The following RAPGEF2 variants were observed in gnomAD, a reference collection of about 807,000 sequenced individuals.
The protein encoded by RAPGEF2 is Rap guanine nucleotide exchange factor 2.
RAPGEF2 carries 54 observed loss-of-function variants against 186.7 expected under a neutral mutation model. The ratio of observed to expected loss-of-function variants is 0.29; its 90% CI spans 0.23 to 0.36. The LOEUF is 0.36. Among genes scored for constraint, RAPGEF2 ranks in the 10% least tolerant of loss-of-function variants. The pLI is 1.00. For missense variants in RAPGEF2, 1,532 were observed against 2,045.0 expected (o/e 0.75, Z 4.84); for synonymous variants, 712 against 705.9 (o/e 1.01, Z -0.14).
At chr4:159,270,457 A>G (rs371855794) in intron 7 of RAPGEF2, among the ~76,000 whole-genome samples, 9 of 152,338 alleles carry the variant, frequency 5.9e-5, no homozygotes, top group African/African-American at 1.9e-4. Flanking sequence ...TGCTTATTCA[A>G]AAAGTTTGTG....
At chr4:159,290,040 G>A (rs1760991629) in intron 7 of RAPGEF2, among the ~76,000 whole-genome samples, 1 of 152,180 alleles carries the variant, frequency 6.6e-6, no homozygotes, top group Non-Finnish European at 1.5e-5. Context: ...AGGCAGGGGA[G>A]TGACAGGATC....
intron 7 of RAPGEF2, among the ~76,000 whole-genome samples, chr4:159,295,724 T>A (rs999726126): frequency 4.1e-4 from 24 of 58,572 alleles, no homozygotes; most frequent in African/African-American, 9.3e-4. Context: ...TGTGTGAGTG[T>A]GTGTGTGTGT....
In RAPGEF2 at chr4:159,353,444, A is replaced by G; in HGVS notation, c.4092-43A>G. On this transcript the variant is annotated intron_variant, in intron 27 of 29. Transcript: ENST00000691494. The surrounding 1 kb of genome is among the most constrained non-coding windows in gnomAD (Gnocchi z 4.3). ...TTTTATCATAGGTGAATTAGTTATC[A>G]ATCTTGTTTTTTTTTTCTTTTCCAT... 7.2e-7 allele frequency: 1 copy of G among 1,390,258 alleles called. No homozygotes were observed. The highest frequency in any genetic ancestry group is 9.5e-7 in the Non-Finnish European group (1 of 1,054,084). The allele number at this position is 1,390,258 out of a possible 1,614,324, so 86.1% of individuals were successfully genotyped here.
intron 7 of RAPGEF2, among the ~76,000 whole-genome samples, chr4:159,248,426 A>G (rs2111500323): frequency 6.6e-6 from 1 of 152,328 alleles, no homozygotes; most frequent in Admixed American, 6.5e-5. Context: ...AGTGGTGTCA[A>G]AAGTATCCTT....
intron 12 of RAPGEF2, 36 bp downstream of exon 12, chr4:159,330,046 AT>A (rs759073547): frequency 2.8e-5 from 44 of 1,570,204 alleles, no homozygotes; most frequent in Middle Eastern, 1.7e-4. Context: ...AAGGAAAGGA[AT>A]TTTTTTTGGT....
chr4:159,178,898 G>T (rs80326906), intron 1 of RAPGEF2, among the ~76,000 whole-genome samples: 6,282 of 152,168 alleles, frequency 0.041, 146 homozygotes, highest in African/African-American at 0.061. Context: ...CAAGAGGATT[G>T]ACTTGGATAG....
intron 3 of RAPGEF2, among the ~76,000 whole-genome samples, chr4:159,198,004 G>A (rs1748846936): frequency 2.0e-5 from 3 of 152,066 alleles, no homozygotes; most frequent in Non-Finnish European, 2.9e-5. Flanking sequence ...GACCCTAAGC[G>A]TGCCACGATG....
chr4:159,243,949 A>G (rs1754307050), intron 7 of RAPGEF2, among the ~76,000 whole-genome samples, 158 bp downstream of exon 7: 1 of 151,984 alleles, frequency 6.6e-6, no homozygotes, highest in Non-Finnish European at 1.5e-5. Context: ...TTTGGGTGGT[A>G]GAATAGGCTG....
intron 1 of RAPGEF2, among the ~76,000 whole-genome samples, chr4:159,136,011 G>A (rs1422744088): frequency 1.3e-5 from 2 of 152,174 alleles, no homozygotes; most frequent in Non-Finnish European, 2.9e-5. Flanking sequence ...AATAATTTAA[G>A]TACATTTGTC....
At chr4:159,298,899 A>G (rs1001275913) in intron 7 of RAPGEF2, among the ~76,000 whole-genome samples, 5 of 152,184 alleles carry the variant, frequency 3.3e-5, no homozygotes, top group African/African-American at 1.2e-4. Context: ...TAAGTCCTTC[A>G]CACCCATTTA....
intron 7 of RAPGEF2, among the ~76,000 whole-genome samples, chr4:159,298,019 T>C (rs1190990432): frequency 6.6e-6 from 1 of 152,200 alleles, no homozygotes; most frequent in Non-Finnish European, 1.5e-5. Flanking sequence ...GGTAAGAAGC[T>C]GGAAGAATGT....
At chr4:159,339,697 T>A (rs555689190) in intron 19 of RAPGEF2, among the ~76,000 whole-genome samples, 3 of 152,280 alleles carry the variant, frequency 2.0e-5, no homozygotes, top group Admixed American at 6.5e-5. Context: ...GTCACGGGGT[T>A]AAACCCTGGT....
chr4:159,184,043 C>T (rs528666038), intron 1 of RAPGEF2, among the ~76,000 whole-genome samples: 82 of 152,274 alleles, frequency 5.4e-4, no homozygotes, highest in Admixed American at 2.7e-3. Context: ...TTTCCAGCTT[C>T]ATCTGTGTCC....
intron 1 of RAPGEF2, among the ~76,000 whole-genome samples, chr4:159,104,527 G>GAGAGGGAGAGA (rs1560964822): frequency 2.3e-5 from 2 of 88,444 alleles, no homozygotes; most frequent in Admixed American, 1.2e-4. Context: ...AGAGAGAGAG[G>GAGAGGGAGAGA]GAGAGACAGA....
intron 23 of RAPGEF2, 91 bp from the exon 24 acceptor site, chr4:159,345,015 A>T: frequency 2.0e-6 from 2 of 1,021,004 alleles, no homozygotes; most frequent in Non-Finnish European, 3.0e-6. Context: ...CCTTTTGAAC[A>T]TAGACTATTA....
At chr4:159,119,529 A>C (rs1739430345) in intron 1 of RAPGEF2, among the ~76,000 whole-genome samples, 1 of 152,222 alleles carries the variant, frequency 6.6e-6, no homozygotes. Flanking sequence ...CATAGGAGAT[A>C]GATGATTGTA....
intron 1 of RAPGEF2, 87 bp from the exon 2 acceptor site, chr4:159,186,547 CATAGTTTA>C: frequency 3.8e-6 from 2 of 528,318 alleles, no homozygotes; most frequent in Non-Finnish European, 6.3e-6. Flanking sequence ...AAAAGCTATC[CATAGTTTA>C]ATTTGGTTTG....
At chr4:159,313,158 A>AAAAG (rs151285107) in intron 8 of RAPGEF2, among the ~76,000 whole-genome samples, 1 of 149,704 alleles carries the variant, frequency 6.7e-6, no homozygotes, top group Non-Finnish European at 1.5e-5. Context: ...AAAAAAAACA[A>AAAAG]AAAGAAAGAA....
chr4:159,153,182 T>G (rs1014466166), intron 1 of RAPGEF2, among the ~76,000 whole-genome samples: 10 of 152,190 alleles, frequency 6.6e-5, no homozygotes, highest in Non-Finnish European at 1.5e-4. Context: ...TTGAGTTGAT[T>G]TTGATGTAGA....
Sources: allele counts gnomAD v4.1 joint callset (sites outside exome capture counted in the v4.1 genomes callset), GRCh38; gene constraint gnomAD v4.1.1; non-coding constraint Gnocchi (gnomAD v3.1); transcripts MANE v1.5; gene names NCBI Gene and HGNC (gene_info 2026-07-23, HGNC 2026-07-21).